Variants in EML3 observed in about 807,000 individuals in gnomAD.
The protein encoded by EML3 is EMAP like 3.
In EML3, 53 loss-of-function variants were observed where a neutral mutation model predicts 106.7. That is an observed-to-expected ratio of 0.50 (90% CI 0.40 to 0.62). The LOEUF is 0.62. Among genes scored for constraint, EML3 ranks in the 20% least tolerant of loss-of-function variants. The pLI, the probability that EML3 is intolerant of heterozygous loss-of-function variation, is 0.00. For synonymous variants in EML3, 499 were observed against 489.6 expected (o/e 1.02, Z -0.25); for missense variants, 994 against 1,209.1 (o/e 0.82, Z 2.64).
At position 62,608,773 on chromosome 11, in the gene EML3, G is replaced by A; in HGVS notation, c.962C>T (p.Ala321Val). 2 of 1,588,820 alleles carry A rather than the reference G, an allele frequency of 1.3e-6. No individual in the cohort carries two copies. Among genetic ancestry groups the A allele is most frequent in the Non-Finnish European group, 1.7e-6 (2 of 1,165,802 alleles). The change falls in exon 8 of 22, where the codon GCC becomes GTC. Residue 321 changes from alanine to valine, a missense_variant. This residue lies in a region of EML3 where 713 missense variants were observed against 920.5 expected (regional missense o/e 0.77). Transcript: ENST00000394773. The stretch of plus-strand genomic sequence containing the variant: ...ATCCACTCCAGCTGTCTGTCCCGAG[G>A]CTACCCGAACACCATCAGGGTGAAC... ...LAVHPDGVRV[A>V]SGQTAGVDKD...
intron 6 of EML3, 74 bp downstream of exon 6, chr11:62,609,280 G>A (rs1344930582): frequency 6.5e-6 from 10 of 1,540,734 alleles, no homozygotes; most frequent in African/African-American, 1.4e-5. Context: ...ACAGACCCAG[G>A]AGGAAACTGT....
In EML3 at chr11:62,608,652, G is replaced by C; in HGVS notation, c.1000C>G (p.Pro334Ala). ...QTAGVDKDGK[P>A]LQPVVHIWDS... ...CAGATGTGAACCACAGGCTGCAGGG[G>C]CTGGTGGAGGAAGAGTCACAAGTGT... Residue 334 changes from proline (P) to alanine (A), a missense_variant and splice_region_variant, in exon 9 of 22, where the codon CCC becomes GCC. Around this residue, in one of 3 missense-constraint regions of EML3, gnomAD observed 713 missense variants for 920.5 expected, o/e 0.77. Transcript: ENST00000394773. The C allele has an allele frequency of 6.2e-7, 1 of 1,614,172 alleles. No individual in the cohort carries two copies. Among genetic ancestry groups the C allele is most frequent in the Non-Finnish European group, 8.5e-7 (1 of 1,180,006 alleles).
Position 62,609,149 on chromosome 11 carries a change from G to C in EML3, c.759-17C>G, listed in dbSNP as rs372362187. The C allele has an allele frequency of 1.1e-5, 17 of 1,613,392 alleles. No individual in the cohort carries two copies. Among genetic ancestry groups the C allele is most frequent in the Non-Finnish European group, 1.4e-5 (16 of 1,179,932 alleles). ...TACCCATAACTGGGGTGGAGATCAC[G>C]GTCAAGGAAAGGGTTAGATCAAGGG... On this transcript the variant is annotated splice_polypyrimidine_tract_variant and intron_variant, in intron 6 of 21. Transcript: ENST00000394773.
Position 62,603,140 on chromosome 11 carries a change from C to G in EML3, c.2356+9G>C. 6.2e-7 allele frequency: 1 copy of G among 1,613,944 alleles called. No homozygotes were observed. The highest frequency in any genetic ancestry group is 8.5e-7 in the Non-Finnish European group (1 of 1,179,962). On this transcript the variant is annotated intron_variant, in intron 20 of 21. Transcript: ENST00000394773. Reference sequence around the variant, plus strand: ...CACCCTTCCAGCAGGTTTCCACGCCCCTGCTCACCGTAGACGTGAAAGCCC... The same window carrying G: ...CACCCTTCCAGCAGGTTTCCACGCCGCTGCTCACCGTAGACGTGAAAGCCC...
chr11:62,602,355 G>A lies in EML3; in HGVS notation c.*120C>T. 2 of 1,551,330 alleles carry A rather than the reference G, an allele frequency of 1.3e-6. No individual in the cohort carries two copies. The highest frequency in any genetic ancestry group is 2.4e-5 in the East Asian group (1 of 40,906). On this transcript the variant is annotated 3_prime_UTR_variant, in exon 22 of 22. Transcript: ENST00000394773. ...GCGCCCTCCAGGAAAATGCGCGATC[G>A]GGAATGTCTCGAAGTCAGTCCAGGA...
chr11:62,604,306 A>C (rs1405031537), intron 16 of EML3, 105 bp from the exon 17 acceptor site: 4 of 808,532 alleles, frequency 4.9e-6, no homozygotes, highest in Non-Finnish European at 8.3e-6. Context: ...CAAATAAGAG[A>C]AGCTCAGAGA....
Position 62,612,522 on chromosome 11 carries a change from CGG to C in EML3, c.-67_-66del. 1 of 1,334,634 alleles carries C rather than the reference CGG, an allele frequency of 7.5e-7. No individual in the cohort carries two copies. The highest frequency in any genetic ancestry group is 9.5e-7 in the Non-Finnish European group (1 of 1,047,624). The allele number at this position is 1,334,634 out of a possible 1,614,324, so 82.7% of individuals were successfully genotyped here. A position where few individuals can be genotyped will look rare whatever the true frequency, so the allele number is the denominator to read the frequency against. On this transcript the variant is annotated 5_prime_UTR_variant, in exon 1 of 22. Coordinates refer to ENST00000394773, the MANE Select transcript of EML3 (RefSeq NM_153265.3). ...GCGTCTAAGCCGCGGGGGCCACGGC[CGG>C]GGAGAGGGGAAGGGGAAGCACCCCG... is the stretch of plus-strand genomic sequence containing the variant.
At chr11:62,612,394 G>A in intron 1 of EML3, 42 bp downstream of exon 1, 2 of 1,496,240 alleles carry the variant, frequency 1.3e-6, no homozygotes, top group Non-Finnish European at 1.8e-6. Context: ...CGAGCCGGGC[G>A]CTCCGGGAAG....
Position 62,603,745 on chromosome 11 carries a change from G to A in EML3, c.2241C>T (p.Asp747=), listed in dbSNP as rs756263692. Residue 747 remains aspartate (D), a synonymous_variant, in exon 19 of 22, where the codon GAC becomes GAT. Coordinates refer to ENST00000394773, the MANE Select transcript of EML3 (RefSeq NM_153265.3). ...DGNFIMSNSG[D]YEILYWDVAG... is the part of the protein sequence containing the mutation. ...GCCACTCACAGTAAAGAATCTCATA[G>A]TCCCCAGAATTGGACATGATGAAAT... 7.4e-6 allele frequency: 12 copies of A among 1,613,786 alleles called. No individual in the cohort carries two copies. The highest frequency in any genetic ancestry group is 1.0e-5 in the Non-Finnish European group (12 of 1,179,954).
chr11:62,608,085 G>A, intron 10 of EML3, 116 bp downstream of exon 10: 2 of 1,032,982 alleles, frequency 1.9e-6, no homozygotes, highest in Non-Finnish European at 2.9e-6. Context: ...TAGGAGATTT[G>A]CCCCATGTGA....
chr11:62,602,915 G>A lies in EML3; in HGVS notation c.2357-26C>T, dbSNP rs752776853. 10 of 1,515,028 alleles carry A rather than the reference G, an allele frequency of 6.6e-6. No homozygotes were observed. The African/African-American group carries it at 8.2e-5, about 12-fold the overall frequency. 93.8% of individuals were successfully genotyped at this position (1,515,028 alleles called of 1,614,324 possible). ...CTAGCACAGCGGCCGGCCTCAGCCC[G>A]ACCTCCTACCCACCGCCACCCACGG... On this transcript the variant is annotated intron_variant, in intron 20 of 21. Coordinates refer to ENST00000394773, the MANE Select transcript of EML3 (RefSeq NM_153265.3).
rs372362187 is a variant in EML3, at chr11:62,609,149, G to A, written c.759-17C>T. On this transcript the variant is annotated splice_polypyrimidine_tract_variant and intron_variant, in intron 6 of 21. Transcript: ENST00000394773. The stretch of plus-strand genomic sequence containing the variant: ...TACCCATAACTGGGGTGGAGATCAC[G>A]GTCAAGGAAAGGGTTAGATCAAGGG... The A allele has an allele frequency of 9.2e-5, 148 of 1,613,272 alleles. No individual in the cohort carries two copies. The African/African-American group carries it at 1.6e-3, about 17-fold the overall frequency.
In EML3 at chr11:62,607,074, G is replaced by A; in HGVS notation, c.1388C>T (p.Pro463Leu). The A allele has an allele frequency of 6.2e-7, 1 of 1,614,046 alleles. No homozygotes were observed. The highest frequency in any genetic ancestry group is 2.2e-5 in the East Asian group (1 of 44,866). ...TCCATCCGGAAGGAACACAAAGCAA[G>A]GGATAAACTTGGGTTTCTTGTATTT... ...FGKYKKPKFI[P>L]CFVFLPDGDI... The change falls in exon 12 of 22, where the codon CCT becomes CTT. Residue 463 changes from proline (P) to leucine (L), a missense_variant. Coordinates refer to ENST00000394773, the MANE Select transcript of EML3 (RefSeq NM_153265.3).
In EML3 at chr11:62,602,493, G is replaced by T. The variant is rs566588186; in HGVS notation, c.2673C>A (p.Ala891=). Residue 891 remains alanine, a synonymous_variant, in exon 22 of 22, where the codon GCC becomes GCA. Coordinates refer to ENST00000394773, the MANE Select transcript of EML3 (RefSeq NM_153265.3). ...GCAGCGATCAAACGTCGAGGGAGGAGGCGGGGGACAGGGAGGGGGTTCGAG... is the reference window on the plus strand; with the variant it reads ...GCAGCGATCAAACGTCGAGGGAGGATGCGGGGGACAGGGAGGGGGTTCGAG... ...TPSRTPSLSP[A]SSLDV 1 of 1,532,500 alleles carries T rather than the reference G, an allele frequency of 6.5e-7. No homozygotes were observed. The highest frequency in any genetic ancestry group is 8.8e-7 in the Non-Finnish European group (1 of 1,137,714). The allele number at this position is 1,532,500 out of a possible 1,614,324, so 94.9% of individuals were successfully genotyped here. A position where few individuals can be genotyped will look rare whatever the true frequency, so the allele number is the denominator to read the frequency against.
At position 62,611,242 on chromosome 11, in the gene EML3, G is replaced by T; in HGVS notation, c.297C>A (p.Pro99=). The T allele has an allele frequency of 6.2e-7, 1 of 1,612,442 alleles. No homozygotes were observed. The change falls in exon 3 of 22, where the codon CCC becomes CCA. Residue 99 remains proline, a synonymous_variant. Coordinates refer to ENST00000394773, the MANE Select transcript of EML3 (RefSeq NM_153265.3). ...TEVELKSSPG[P]PGLSNGPPAP... is the part of the protein sequence containing the mutation. ...CTGGGGGTCCATTGCTCAGGCCAGG[G>T]GGTCCAGGGGATGACTTGAGCTCCA...
Position 62,608,626 on chromosome 11 carries a change from C to A in EML3, c.1026G>T (p.Trp342Cys). 6.2e-7 allele frequency: 1 copy of A among 1,614,202 alleles called. No homozygotes were observed. The highest frequency in any genetic ancestry group is 8.5e-7 in the Non-Finnish European group (1 of 1,180,046). The change falls in exon 9 of 22, where the codon TGG becomes TGT. Residue 342 changes from tryptophan to cysteine, a missense_variant. Around this residue, in one of 3 missense-constraint regions of EML3, gnomAD observed 713 missense variants for 920.5 expected, o/e 0.77. Transcript: ENST00000394773. ...GCAGTTTCAACAGCGTCTCTGAGTC[C>A]CAGATGTGAACCACAGGCTGCAGGG... ...GKPLQPVVHI[W>C]DSETLLKLQE...
At chr11:62,611,017 T>C in intron 3 of EML3, 25 bp from the exon 4 acceptor site, 1 of 1,610,740 alleles carries the variant, frequency 6.2e-7, no homozygotes, top group Non-Finnish European at 8.5e-7. Flanking sequence ...GTGAAGGTCA[T>C]TCCCTCCAAC....
At chr11:62,607,858 CT>C in intron 10 of EML3, 37 bp from the exon 11 acceptor site, 1 of 1,598,216 alleles carries the variant, frequency 6.3e-7, no homozygotes, top group Non-Finnish European at 8.6e-7. Flanking sequence ...ACCCCAAGCC[CT>C]GGGTACCTTC....
chr11:62,610,808 T>G, intron 4 of EML3, 71 bp downstream of exon 4: 4 of 1,325,434 alleles, frequency 3.0e-6, no homozygotes, highest in Non-Finnish European at 4.2e-6. Flanking sequence ...ACCAGGGATG[T>G]GAGGTGAGGG....
Sources: gnomAD v4.1 joint callset for allele counts on GRCh38, gnomAD v4.1.1 for gene constraint, gnomAD v4.1.1 regional missense constraint, MANE v1.5 for transcripts, NCBI Gene and HGNC (gene_info 2026-07-23, HGNC 2026-07-21) for gene names.